Variants in MCM4 observed in about 807,000 individuals in gnomAD.
MCM4 encodes minichromosome maintenance complex component 4.
Under a neutral mutation model 88.7 loss-of-function variants are expected in MCM4, and 60 were observed. That is an observed-to-expected ratio of 0.68 (90% confidence interval 0.55 to 0.84). The LOEUF is 0.84. Among genes scored for constraint, MCM4 ranks in the 40% least tolerant of loss-of-function variants. The pLI, the probability that MCM4 is intolerant of heterozygous loss-of-function variation, is 0.00. For missense variants in MCM4, 1,149 were observed against 1,105.5 expected, an observed-to-expected ratio of 1.04 and a Z score of -0.56; for synonymous variants, 465 against 410.5, an observed-to-expected ratio of 1.13 and a Z score of -1.61.
chr8:47,965,507 G>T (rs1405636636), intron 8 of MCM4, among the ~76,000 whole-genome samples: 1 of 152,148 alleles, frequency 6.6e-6, no homozygotes, highest in African/African-American at 2.4e-5. Flanking sequence ...TGAATCAGTG[G>T]CAGGATAGGG....
Position 47,971,456 on chromosome 8 carries a change from CT to C in MCM4, c.1919del (p.Leu640TyrfsTer7). The C allele has an allele frequency of 6.2e-7, 1 of 1,614,026 alleles. No homozygotes were observed. The highest frequency in any genetic ancestry group is 8.5e-7 in the Non-Finnish European group (1 of 1,179,916). Reference protein sequence around the residue: ...TTIENIQLPHTLLSRFDLIFL... With the variant: ...TTIENIQLPHXLLSRFDLIFL... ...ATTGAAAACATCCAGCTGCCTCATA[CT>C]TTATTATCAAGGTATTAAAACAGAT... On this transcript the variant is annotated frameshift_variant, in exon 13 of 17. Coordinates refer to ENST00000649973, the MANE Select transcript of MCM4 (RefSeq NM_182746.3). LOFTEE classifies it high-confidence loss of function.
At chr8:47,961,907 A>T in intron 3 of MCM4, 146 bp from the exon 4 acceptor site, 2 of 920,498 alleles carry the variant, frequency 2.2e-6, no homozygotes, top group Non-Finnish European at 1.6e-6. Flanking sequence ...TTAATAGAAC[A>T]TTTAAGAGTG....
At chr8:47,964,530 ACT>A (rs763027919) in intron 7 of MCM4, 42 bp from the exon 8 acceptor site, 4 of 1,478,000 alleles carry the variant, frequency 2.7e-6, no homozygotes, top group Non-Finnish European at 3.7e-6. Flanking sequence ...TATATTTAAC[ACT>A]GAGATATGAA....
rs1454442786 is a variant in MCM4 at position 47,970,423 on chromosome 8, T to C, written c.1435-88T>C. On this transcript the variant is annotated intron_variant, in intron 11 of 16. Transcript: ENST00000649973. ...GTGATTTCTTAATTGTAGTTCTTTA[T>C]AAGAGAGAAAAGTACCTCTAAAGTT... The C allele has an allele frequency of 3.4e-6, 5 of 1,467,162 alleles. No homozygotes were observed. The African/African-American group carries it at 7.1e-5, about 21-fold the overall frequency. The allele number at this position is 1,467,162 out of a possible 1,614,324, so 90.9% of individuals were successfully genotyped here.
At chr8:47,963,089 G>C (rs2090862247) in intron 7 of MCM4, 49 bp downstream of exon 7, 2 of 1,081,554 alleles carry the variant, frequency 1.8e-6, no homozygotes, top group East Asian at 2.4e-5. Flanking sequence ...AGTCTAGAAA[G>C]AATGTTTCCA....
At chr8:47,971,068 A>C (rs912828691) in intron 12 of MCM4, among the ~76,000 whole-genome samples, 192 bp downstream of exon 12, 1 of 152,216 alleles carries the variant, frequency 6.6e-6, no homozygotes, top group Non-Finnish European at 1.5e-5. Flanking sequence ...TTATTGCTGT[A>C]CTAGCCTTGA....
At chr8:47,965,385 A>C (rs1018119636) in intron 8 of MCM4, among the ~76,000 whole-genome samples, 2 of 152,164 alleles carry the variant, frequency 1.3e-5, no homozygotes, top group Admixed American at 1.3e-4. Context: ...TGACGGGCTT[A>C]CTTGAGCCTG....
Position 47,966,269 on chromosome 8 carries a change from G to A in MCM4, c.915G>A (p.Gln305=). 2.5e-6 allele frequency: 4 copies of A among 1,614,100 alleles called. No individual in the cohort carries two copies. Among genetic ancestry groups the A allele is most frequent in the Non-Finnish European group, 3.4e-6 (4 of 1,180,030 alleles). ...LIPEMQEAFF[Q]CQVCAHTTRV... ...CCGAGATGCAGGAGGCCTTCTTCCA[G>A]TGCCAAGTGTGTGCCCACACGACCC... is the stretch of plus-strand genomic sequence containing the variant. The change falls in exon 9 of 17, where the codon CAG becomes CAA. Residue 305 remains glutamine (Q), a synonymous_variant. Transcript: ENST00000649973.
chr8:47,966,120 G>A (rs2090895815), intron 8 of MCM4, 67 bp from the exon 9 acceptor site: 2 of 1,347,030 alleles, frequency 1.5e-6, no homozygotes, highest in South Asian at 1.2e-5. Context: ...TCCTGTCTGT[G>A]ATCCCAGCTA....
intron 15 of MCM4, 135 bp downstream of exon 15, chr8:47,975,097 T>G (rs1003519981): frequency 1.6e-6 from 1 of 644,182 alleles, no homozygotes; most frequent in African/African-American, 1.8e-5. Context: ...AGGACCCCTT[T>G]GAGAATCTGA....
chr8:47,973,151 T>C (rs1207618620), intron 14 of MCM4, 87 bp downstream of exon 14: 2 of 1,175,908 alleles, frequency 1.7e-6, no homozygotes, highest in Non-Finnish European at 2.4e-6. Context: ...ATATTAATTA[T>C]TTTGTTACGA....
rs2090860127 is a variant in MCM4 at position 47,962,939 on chromosome 8, T to G, written c.598-6T>G. 2 of 1,584,268 alleles carry G rather than the reference T, an allele frequency of 1.3e-6. No homozygotes were observed. The highest frequency in any genetic ancestry group is 2.7e-5 in the African/African-American group (2 of 73,298). The stretch of plus-strand genomic sequence containing the variant: ...AAAATATAACTTGTTCATTTTTATT[T>G]TCTAGATTAATGTTATTGGTGAGCC... On this transcript the variant is annotated splice_region_variant and splice_polypyrimidine_tract_variant and intron_variant, in intron 6 of 16. Transcript: ENST00000649973.
intron 9 of MCM4, 106 bp downstream of exon 9, chr8:47,966,513 A>G: frequency 8.9e-7 from 1 of 1,120,826 alleles, no homozygotes; most frequent in East Asian, 2.6e-5. Context: ...CCCGAATGGC[A>G]TCCATCCCTC....
At chr8:47,971,556 TG>T (rs2090953913) in intron 13 of MCM4, 88 bp downstream of exon 13, 1 of 1,352,526 alleles carries the variant, frequency 7.4e-7, no homozygotes, top group Non-Finnish European at 1.0e-6. Flanking sequence ...CAACTGCTAA[TG>T]GAAACTCTTC....
chr8:47,971,828 G>A (rs552223771), intron 13 of MCM4, among the ~76,000 whole-genome samples: 48 of 152,016 alleles, frequency 3.2e-4, no homozygotes, highest in African/African-American at 1.1e-3. Context: ...TACAAATATT[G>A]GACATTTTTC....
rs552536786 is a variant in MCM4 at position 47,964,529 on chromosome 8, C to T, written c.694-45C>T. On this transcript the variant is annotated intron_variant, in intron 7 of 16. Transcript: ENST00000649973. ...TCTGACATGCCTTTATTATATTTAA[C>T]ACTGAGATATGAATACAAATACATC... The T allele has an allele frequency of 3.0e-5, 44 of 1,465,226 alleles. No individual in the cohort carries two copies. The South Asian group carries it at 5.1e-4, about 17-fold the overall frequency. 90.8% of individuals were successfully genotyped at this position (1,465,226 alleles called of 1,614,324 possible).
intron 2 of MCM4, 59 bp downstream of exon 2, chr8:47,961,273 C>A (rs1344555462): frequency 7.0e-7 from 1 of 1,429,952 alleles, no homozygotes; most frequent in Non-Finnish European, 9.1e-7. Context: ...TGCCCTCTCG[C>A]CGCAGCTGGC....
intron 10 of MCM4, 74 bp from the exon 11 acceptor site, chr8:47,969,724 G>A (rs543328487): frequency 4.0e-6 from 6 of 1,507,762 alleles, no homozygotes; most frequent in East Asian, 4.5e-5. Flanking sequence ...TGCACCTGTT[G>A]CCTACGCTGG....
rs2090815818 is a variant in MCM4 at position 47,960,999 on chromosome 8, C to T, written c.-30C>T. On this transcript the variant is annotated 5_prime_UTR_variant, in exon 1 of 17. Transcript: ENST00000649973. ...GGAGTCCGCGAGCGTCGTCGGCAAGCGGCCGCCTTTCCACGGTAACCGCGC... is the reference window on the plus strand; with the variant it reads ...GGAGTCCGCGAGCGTCGTCGGCAAGTGGCCGCCTTTCCACGGTAACCGCGC... 3 of 818,050 alleles carry T rather than the reference C, an allele frequency of 3.7e-6. No homozygotes were observed. The highest frequency in any genetic ancestry group is 3.5e-6 in the Non-Finnish European group (2 of 569,036). The allele number at this position is 818,050 out of a possible 1,614,324, so 50.7% of individuals were successfully genotyped here. A position where few individuals can be genotyped will look rare whatever the true frequency, so the allele number is the denominator to read the frequency against.
Sources: gnomAD v4.1 joint callset for allele counts (sites outside exome capture counted in the v4.1 genomes callset) on GRCh38, gnomAD v4.1.1 for gene constraint, MANE v1.5 for transcripts, NCBI Gene and HGNC (gene_info 2026-07-23, HGNC 2026-07-21) for gene names.